PRKG1: variants seen among roughly 807,000 people sequenced by gnomAD.
PRKG1 encodes the protein cGMP-dependent protein kinase 1.
In PRKG1, 35 loss-of-function variants were observed where a neutral mutation model predicts 88.1. The observed-to-expected ratio is 0.40, with a 90% CI of 0.30 to 0.53. The LOEUF (loss-of-function observed/expected upper bound fraction) is 0.53, where lower values mean the gene tolerates loss of function less well. Among genes scored for constraint, PRKG1 ranks in the 20% least tolerant of loss-of-function variants. PRKG1 has a pLI of 0.59. For synonymous variants in PRKG1, 303 were observed against 292.5 expected (o/e 1.04, Z -0.37); for missense variants, 540 against 839.8 (o/e 0.64, Z 4.41).
At chr10:51,321,868 C>T (rs973828467) in intron 2 of PRKG1, among the ~76,000 whole-genome samples, 1 of 151,734 alleles carries the variant, frequency 6.6e-6, no homozygotes, top group Non-Finnish European at 1.5e-5. Context: ...TCTCATGTGA[C>T]CCATAGATAT....
chr10:52,162,785 A>G (rs1236318175), intron 9 of PRKG1, among the ~76,000 whole-genome samples: 1 of 152,194 alleles, frequency 6.6e-6, no homozygotes, highest in Non-Finnish European at 1.5e-5. Context: ...ATTATATTCT[A>G]TGTTAACCCA....
intron 2 of PRKG1, among the ~76,000 whole-genome samples, chr10:51,308,917 G>T (rs1589342268): frequency 6.6e-6 from 1 of 152,122 alleles, no homozygotes; most frequent in Non-Finnish European, 1.5e-5. Flanking sequence ...AACTGGTGCT[G>T]GTGCTGACGG....
At chr10:51,862,271 C>CA (rs1340189598) in intron 4 of PRKG1, among the ~76,000 whole-genome samples, 2 of 152,188 alleles carry the variant, frequency 1.3e-5, no homozygotes, top group African/African-American at 4.8e-5. Context: ...CTGGTGCCCA[C>CA]AGCTCAGTAA....
intron 2 of PRKG1, among the ~76,000 whole-genome samples, chr10:51,185,251 TAAA>T (rs1000468443): frequency 8.5e-5 from 13 of 152,162 alleles, no homozygotes; most frequent in African/African-American, 2.6e-4. Flanking sequence ...ATTAAGATAA[TAAA>T]AAAGAAATAT....
chr10:52,102,662 A>G (rs1847323342), intron 7 of PRKG1, among the ~76,000 whole-genome samples: 2 of 151,424 alleles, frequency 1.3e-5, no homozygotes, highest in African/African-American at 4.8e-5. Flanking sequence ...TTCAAGAGCT[A>G]ACAGACAACA....
At chr10:51,185,560 A>G (rs1193831305) in intron 2 of PRKG1, among the ~76,000 whole-genome samples, 2 of 152,058 alleles carry the variant, frequency 1.3e-5, no homozygotes, top group East Asian at 1.9e-4. Flanking sequence ...AATTCCATGT[A>G]GAAAGTCACT....
chr10:51,548,774 T>G (rs1301463640), intron 3 of PRKG1, among the ~76,000 whole-genome samples: 1 of 152,156 alleles, frequency 6.6e-6, no homozygotes, highest in Non-Finnish European at 1.5e-5. Flanking sequence ...ATTTCAAAAC[T>G]TGGTGTTCAG....
intron 17 of PRKG1, among the ~76,000 whole-genome samples, chr10:52,293,073 C>T (rs1842293092): frequency 6.6e-6 from 1 of 151,158 alleles, no homozygotes; most frequent in African/African-American, 2.4e-5. Context: ...TCTCAGGATA[C>T]AAAATCAATG....
intron 3 of PRKG1, among the ~76,000 whole-genome samples, chr10:51,712,875 C>T (rs1433758967): frequency 6.6e-6 from 1 of 152,072 alleles, no homozygotes; most frequent in Non-Finnish European, 1.5e-5. Context: ...ATAAGACAGC[C>T]ATGTGAATCC....
chr10:51,453,845 A>C (rs1488283771), intron 2 of PRKG1, among the ~76,000 whole-genome samples: 1 of 151,918 alleles, frequency 6.6e-6, no homozygotes, highest in East Asian at 1.9e-4. Flanking sequence ...TACCTAGAAA[A>C]CTCTAAAGAC....
chr10:51,604,955 A>G (rs1838720398), intron 3 of PRKG1, among the ~76,000 whole-genome samples: 1 of 152,228 alleles, frequency 6.6e-6, no homozygotes, highest in Non-Finnish European at 1.5e-5. Flanking sequence ...TACTGGAAGA[A>G]TCAGACCACA....
chr10:51,398,691 G>A (rs1273682577), intron 2 of PRKG1, among the ~76,000 whole-genome samples: 2 of 152,184 alleles, frequency 1.3e-5, no homozygotes, highest in African/African-American at 4.8e-5. Context: ...GGGTATCCAC[G>A]AAGGTGTTTT....
rs9415751 is a variant in PRKG1 at position 51,163,573 on chromosome 10, G to A, written c.478+10243G>A. On this transcript the variant is annotated intron_variant, in intron 2 of 17. Coordinates refer to ENST00000373980, the MANE Select transcript of PRKG1 (RefSeq NM_006258.4). ...GGTGCCGCGCACCCGCACCATGTGC[G>A]AGCCGAAGCAGGGCGAGGCATTGCC... is the stretch of plus-strand genomic sequence containing the variant. Among the ~76,000 whole-genome samples the A allele has an allele frequency of 1.5e-3, 228 of 152,278 alleles. 3 individuals are homozygous for A. Among genetic ancestry groups the A allele is most frequent in the South Asian group, 9.1e-3 (44 of 4,830 alleles).
At chr10:51,953,999 C>A (rs1194504754) in intron 5 of PRKG1, among the ~76,000 whole-genome samples, 1 of 152,024 alleles carries the variant, frequency 6.6e-6, no homozygotes, top group Non-Finnish European at 1.5e-5. Context: ...AAATTGTTTT[C>A]TCTCCTAATT....
chr10:51,422,398 G>A (rs1025207926), intron 2 of PRKG1, among the ~76,000 whole-genome samples: 4 of 152,198 alleles, frequency 2.6e-5, no homozygotes, highest in African/African-American at 9.7e-5. Context: ...GAAAAGCTGT[G>A]CCTGCATTGA....
At chr10:51,073,220 T>C (rs1203132612), upstream of PRKG1, among the ~76,000 whole-genome samples, 3 of 152,062 alleles carry the variant, frequency 2.0e-5, no homozygotes, top group African/African-American at 7.2e-5. Flanking sequence ...TTGGGGAATA[T>C]TGAGTGGGCA....
At chr10:51,959,557 C>G (rs181834101) in intron 5 of PRKG1, among the ~76,000 whole-genome samples, 1 of 152,244 alleles carries the variant, frequency 6.6e-6, no homozygotes, top group East Asian at 1.9e-4. Flanking sequence ...AATTTTTCTC[C>G]TTCTCCCCAG....
chr10:51,196,240 A>C (rs1479601234), intron 2 of PRKG1, among the ~76,000 whole-genome samples: 2 of 152,350 alleles, frequency 1.3e-5, no homozygotes, highest in Middle Eastern at 3.4e-3. Flanking sequence ...AACTATGTTG[A>C]AAACTAGTAT....
intron 10 of PRKG1, among the ~76,000 whole-genome samples, chr10:52,270,548 T>A (rs955203258): frequency 6.6e-6 from 1 of 151,828 alleles, no homozygotes; most frequent in Non-Finnish European, 1.5e-5. Context: ...CCATAAAAAA[T>A]GATGAGTTCA....
Sources: allele counts gnomAD v4.1 joint callset (sites outside exome capture counted in the v4.1 genomes callset), GRCh38; gene constraint gnomAD v4.1.1; transcripts MANE v1.5; gene names NCBI Gene and HGNC (gene_info 2026-07-23, HGNC 2026-07-21).